The following RELN variants were observed in gnomAD, a reference collection of about 807,000 sequenced individuals.
RELN encodes reelin.
Under a neutral mutation model 427.6 loss-of-function variants are expected in RELN, and 108 were observed. The ratio of observed to expected loss-of-function variants is 0.25; its 90% CI spans 0.22 to 0.30. The LOEUF (loss-of-function observed/expected upper bound fraction) is 0.30. Ranked by LOEUF, RELN falls within the 10% of genes least tolerant of loss-of-function variation. The pLI is 1.00. For missense variants in RELN, 3,715 were observed against 4,302.8 expected, an observed-to-expected ratio of 0.86 and a Z score of 3.82; for synonymous variants, 1,524 against 1,513.4, an observed-to-expected ratio of 1.01 and a Z score of -0.16.
chr7:103,476,128 T>C (rs1484695220), intron 64 of RELN, among the ~76,000 whole-genome samples: 2 of 152,256 alleles, frequency 1.3e-5, no homozygotes, highest in South Asian at 2.1e-4. Context: ...GATATGCATA[T>C]AGTAATGGAC....
At chr7:103,950,368 T>A (rs1227596710) in intron 1 of RELN, among the ~76,000 whole-genome samples, 1 of 152,176 alleles carries the variant, frequency 6.6e-6, no homozygotes, top group African/African-American at 2.4e-5. Flanking sequence ...AATGAGATTT[T>A]ACTATATTCT....
At chr7:103,800,919 A>G (rs1232894491) in intron 3 of RELN, among the ~76,000 whole-genome samples, 1 of 152,250 alleles carries the variant, frequency 6.6e-6, no homozygotes, top group East Asian at 1.9e-4. Flanking sequence ...AAGTGGGCAA[A>G]GGGTATGAAC....
rs544428672 is a variant in RELN, at chr7:103,647,604, A to G, written c.2002+2670T>C. Among the ~76,000 whole-genome samples the G allele has an allele frequency of 2.6e-5, 4 of 152,144 alleles. No individual in the cohort carries two copies. The South Asian group carries it at 6.2e-4, about 24-fold the overall frequency. ...CTATACTCATGGATTAGAAGAACCA[A>G]TATGATTAAAATGATCACACTGCCC... On this transcript the variant is annotated intron_variant, in intron 16 of 64. Coordinates refer to ENST00000428762, the MANE Select transcript of RELN (RefSeq NM_005045.4).
At chr7:103,886,750 A>T (rs1375576132) in intron 2 of RELN, among the ~76,000 whole-genome samples, 1 of 152,206 alleles carries the variant, frequency 6.6e-6, no homozygotes, top group African/African-American at 2.4e-5. Flanking sequence ...TTTTCCAGCC[A>T]ATGTAAGAAT....
intron 2 of RELN, among the ~76,000 whole-genome samples, chr7:103,847,422 G>T (rs547268155): frequency 6.6e-6 from 1 of 152,226 alleles, no homozygotes; most frequent in Admixed American, 6.5e-5. Flanking sequence ...GCCAGAGGGT[G>T]GGGGGCTAGA....
chr7:103,882,897 A>G lies in RELN; in HGVS notation c.337+34178T>C, dbSNP rs117492400. ...GTACCATTCCTTCTAAAACTATTCCAACAAAAGAAAAAGAGGGACTCCTCC... is the reference window on the plus strand; with the variant it reads ...GTACCATTCCTTCTAAAACTATTCCGACAAAAGAAAAAGAGGGACTCCTCC... On this transcript the variant is annotated intron_variant, in intron 2 of 64. Coordinates refer to ENST00000428762, the MANE Select transcript of RELN (RefSeq NM_005045.4). Among the ~76,000 whole-genome samples the G allele has an allele frequency of 4.0e-3, 605 of 152,286 alleles. 23 individuals carry two copies. The East Asian group carries it at 0.073, about 18-fold the overall frequency.
chr7:103,864,996 T>C (rs1433285994), intron 2 of RELN, among the ~76,000 whole-genome samples: 1 of 151,322 alleles, frequency 6.6e-6, no homozygotes, highest in Non-Finnish European at 1.5e-5. Context: ...CCAGGCATGG[T>C]GGCAGGCACC....
chr7:103,677,945 A>T (rs953792157), intron 11 of RELN, among the ~76,000 whole-genome samples: 1 of 151,846 alleles, frequency 6.6e-6, no homozygotes, highest in African/African-American at 2.4e-5. Context: ...ACTTCCTTCC[A>T]TCAGATCCCT....
chr7:103,644,103 A>G (rs779225632), intron 16 of RELN, among the ~76,000 whole-genome samples: 3 of 151,918 alleles, frequency 2.0e-5, no homozygotes, highest in African/African-American at 4.8e-5. Flanking sequence ...CACATCCTCA[A>G]GAGAAAAAAA....
At chr7:103,950,406 C>T (rs1459685025) in intron 1 of RELN, among the ~76,000 whole-genome samples, 1 of 151,758 alleles carries the variant, frequency 6.6e-6, no homozygotes, top group East Asian at 1.9e-4. Flanking sequence ...AATGTATAAA[C>T]ATAAAACTAC....
chr7:103,809,821 A>G (rs563060561), intron 3 of RELN, among the ~76,000 whole-genome samples: 1 of 152,322 alleles, frequency 6.6e-6, no homozygotes, highest in Admixed American at 6.5e-5. Context: ...ATTTAGAGAT[A>G]TGGAGGAACA....
intron 3 of RELN, among the ~76,000 whole-genome samples, chr7:103,801,517 G>A (rs1401754224): frequency 6.6e-6 from 1 of 151,438 alleles, no homozygotes; most frequent in Non-Finnish European, 1.5e-5. Flanking sequence ...ACTCATAGGT[G>A]GAAACTCAAC....
At chr7:103,670,856 C>T (rs1833376075) in intron 11 of RELN, among the ~76,000 whole-genome samples, 1 of 152,036 alleles carries the variant, frequency 6.6e-6, no homozygotes, top group Admixed American at 6.6e-5. Flanking sequence ...CGTAATGGAA[C>T]ATTTCATATT....
intron 10 of RELN, among the ~76,000 whole-genome samples, chr7:103,696,060 T>C (rs1833970633): frequency 6.6e-6 from 1 of 152,080 alleles, no homozygotes; most frequent in Admixed American, 6.5e-5. Context: ...ACCAAATAAT[T>C]TGTAATAGTT....
intron 1 of RELN, among the ~76,000 whole-genome samples, chr7:103,983,879 G>A (rs1797043476): frequency 1.3e-5 from 2 of 151,984 alleles, no homozygotes; most frequent in South Asian, 4.2e-4. Context: ...GTGTGTGTGT[G>A]TGTGTGTGTG....
rs574553536 is a variant in RELN, at chr7:103,573,210, G to A, written c.4511+882C>T. On this transcript the variant is annotated intron_variant, in intron 30 of 64. Transcript: ENST00000428762. This position sits in a 1 kb window ranked among gnomAD's most constrained non-coding sequence, Gnocchi z 4.4. Reference sequence around the variant, plus strand: ...CCTGCCTCAGTCTCCCAAAGTGCTGGCATTACAGGTGTGAGCTACCGCATC... The same window carrying A: ...CCTGCCTCAGTCTCCCAAAGTGCTGACATTACAGGTGTGAGCTACCGCATC... Among the ~76,000 whole-genome samples, 1 of 152,344 alleles carries A rather than the reference G, an allele frequency of 6.6e-6. No individual in the cohort carries two copies. Among genetic ancestry groups the A allele is most frequent in the South Asian group, 2.1e-4 (1 of 4,828 alleles).
chr7:103,732,150 T>C, intron 6 of RELN, among the ~76,000 whole-genome samples: 1 of 152,134 alleles, frequency 6.6e-6, no homozygotes, highest in Non-Finnish European at 1.5e-5. Flanking sequence ...AGATTGGGAC[T>C]GATATGACAG....
intron 2 of RELN, among the ~76,000 whole-genome samples, chr7:103,915,527 T>C (rs1434172650): frequency 6.6e-6 from 1 of 152,108 alleles, no homozygotes; most frequent in Admixed American, 6.6e-5. Flanking sequence ...GTGTTTGAAG[T>C]CTACAATTCT....
At chr7:103,889,806 A>G (rs1373810720) in intron 2 of RELN, among the ~76,000 whole-genome samples, 1 of 152,160 alleles carries the variant, frequency 6.6e-6, no homozygotes, top group African/African-American at 2.4e-5. Flanking sequence ...CACTATAAAA[A>G]GCACCAACCC....
Sources: gnomAD v4.1 joint callset for allele counts (sites outside exome capture counted in the v4.1 genomes callset) on GRCh38, gnomAD v4.1.1 for gene constraint, Gnocchi (gnomAD v3.1) non-coding constraint, MANE v1.5 for transcripts, NCBI Gene and HGNC (gene_info 2026-07-23, HGNC 2026-07-21) for gene names.